The following GMDS variants were observed in gnomAD, a reference collection of about 807,000 sequenced individuals.
GMDS encodes GDP-mannose 4,6 dehydratase.
Under a neutral mutation model 49.9 loss-of-function variants are expected in GMDS, and 20 were observed. That is an observed-to-expected ratio of 0.40 (90% CI 0.28 to 0.58). The LOEUF (loss-of-function observed/expected upper bound fraction) is 0.58. Among genes scored for constraint, GMDS ranks in the 20% least tolerant of loss-of-function variants. The probability of loss-of-function intolerance (pLI) is 0.42; values close to 1 mark genes in which losing one functional copy is unlikely to be tolerated. For synonymous variants in GMDS, 177 were observed against 178.6 expected, an observed-to-expected ratio of 0.99 and a Z score of 0.07; for missense variants, 362 against 481.4, an observed-to-expected ratio of 0.75 and a Z score of 2.32.
intron 4 of GMDS, among the ~76,000 whole-genome samples, chr6:2,016,088 A>G (rs577244341): frequency 5.7e-4 from 8 of 14,030 alleles, no homozygotes; most frequent in African/African-American, 2.1e-3. Flanking sequence ...AAAATAAATT[A>G]AAAAAAAAAA....
chr6:2,075,632 A>T (rs1772291961), intron 4 of GMDS, among the ~76,000 whole-genome samples: 4 of 152,206 alleles, frequency 2.6e-5, no homozygotes, highest in Admixed American at 2.6e-4. Flanking sequence ...TATATGTGCC[A>T]CATTTTCTTA....
chr6:2,240,660 GCTTCAACAAATATA>G (rs1561683937), intron 1 of GMDS, among the ~76,000 whole-genome samples: 1 of 151,230 alleles, frequency 6.6e-6, no homozygotes, highest in Non-Finnish European at 1.5e-5. Context: ...GCTCTCTGTT[GCTTCAACAAATATA>G]CTTTGAACAA....
chr6:1,713,441 C>T (rs1312575545), intron 9 of GMDS, among the ~76,000 whole-genome samples: 1 of 152,260 alleles, frequency 6.6e-6, no homozygotes, highest in Non-Finnish European at 1.5e-5. Context: ...TGCTCTGCGT[C>T]TCCGCCCCGT....
intron 7 of GMDS, among the ~76,000 whole-genome samples, chr6:1,810,883 C>T (rs1770399402): frequency 6.6e-6 from 1 of 152,112 alleles, no homozygotes. Flanking sequence ...ATAATGGAAA[C>T]TAAAAACATA....
intron 7 of GMDS, among the ~76,000 whole-genome samples, chr6:1,792,880 G>A (rs1358731189): frequency 2.0e-5 from 3 of 152,036 alleles, no homozygotes; most frequent in African/African-American, 7.3e-5. Context: ...TATTTGGTGT[G>A]GGTCTTTGTT....
chr6:1,884,726 T>C (rs1198591546), intron 7 of GMDS, among the ~76,000 whole-genome samples: 2 of 152,200 alleles, frequency 1.3e-5, no homozygotes, highest in Non-Finnish European at 2.9e-5. Flanking sequence ...GCAAAACCCA[T>C]GGGCAGTATA....
At chr6:1,627,555 A>G (rs369747727) in intron 9 of GMDS, among the ~76,000 whole-genome samples, 22 of 152,210 alleles carry the variant, frequency 1.4e-4, no homozygotes, top group African/African-American at 3.9e-4. Context: ...GAACTTCCAC[A>G]AATCCCCTCC....
chr6:2,209,409 C>T (rs1257402960), intron 1 of GMDS, among the ~76,000 whole-genome samples: 1 of 152,240 alleles, frequency 6.6e-6, no homozygotes, highest in Non-Finnish European at 1.5e-5. Context: ...GGCTGACTAG[C>T]TCACCTTCCC....
intron 7 of GMDS, among the ~76,000 whole-genome samples, chr6:1,786,930 G>A (rs1043320028): frequency 4.6e-5 from 7 of 152,074 alleles, no homozygotes; most frequent in Non-Finnish European, 7.3e-5. Context: ...TTGTGACCAT[G>A]AGCCACCTCA....
intron 1 of GMDS, among the ~76,000 whole-genome samples, chr6:2,187,847 T>A (rs2127566382): frequency 6.6e-6 from 1 of 152,342 alleles, no homozygotes; most frequent in South Asian, 2.1e-4. Context: ...TCAATAAAAT[T>A]TCTAAAGAAC....
chr6:2,116,130 A>C (rs1025098731), intron 3 of GMDS, among the ~76,000 whole-genome samples: 2 of 152,190 alleles, frequency 1.3e-5, no homozygotes, highest in Admixed American at 1.3e-4. Context: ...TTTAAAGCAC[A>C]GTATCACGAA....
chr6:2,229,408 C>CAAAAAAAA (rs1210456971), intron 1 of GMDS, among the ~76,000 whole-genome samples: 1 of 89,244 alleles, frequency 1.1e-5, no homozygotes, highest in Non-Finnish European at 2.5e-5. Context: ...CCTGTTTCTA[C>CAAAAAAAA]AAAAAAAAAA....
intron 4 of GMDS, among the ~76,000 whole-genome samples, chr6:2,114,281 A>G (rs1362401231): frequency 6.6e-6 from 1 of 152,234 alleles, no homozygotes. Context: ...TGTTCATTCC[A>G]AAACATTCTG....
intron 4 of GMDS, among the ~76,000 whole-genome samples, chr6:1,975,185 A>G (rs1470873747): frequency 6.6e-6 from 1 of 152,230 alleles, no homozygotes; most frequent in Admixed American, 6.5e-5. Context: ...AGATAATCCC[A>G]TGGCAGAAAG....
At chr6:1,786,503 G>T (rs1769326798) in intron 7 of GMDS, among the ~76,000 whole-genome samples, 1 of 152,228 alleles carries the variant, frequency 6.6e-6, no homozygotes, top group South Asian at 2.1e-4. Context: ...TCATGGGCAG[G>T]AGGGGACCTC....
At chr6:1,947,225 C>T (rs1482497045) in intron 6 of GMDS, among the ~76,000 whole-genome samples, 1 of 152,192 alleles carries the variant, frequency 6.6e-6, no homozygotes, top group Non-Finnish European at 1.5e-5. Flanking sequence ...ACCACACAGT[C>T]GTCTGCCAGC....
At chr6:2,014,422 A>G (rs960283115) in intron 4 of GMDS, among the ~76,000 whole-genome samples, 1 of 152,120 alleles carries the variant, frequency 6.6e-6, no homozygotes, top group African/African-American at 2.4e-5. Flanking sequence ...CAGCAATGTT[A>G]TAAGAGGTGG....
In GMDS at chr6:1,944,991, A is replaced by T. The variant is rs574499303; in HGVS notation, c.644-14761T>A. 1.4e-4 allele frequency among the ~76,000 whole-genome samples: 22 copies of T among 152,332 alleles called. No individual in the cohort carries two copies. The South Asian group carries it at 4.3e-3, about 30-fold the overall frequency. Reference sequence around the variant, plus strand: ...TATTCACCCAAGGAAAATAAGTAACATTGCCTCCTCTGTAATAACTATTGC... The same window carrying T: ...TATTCACCCAAGGAAAATAAGTAACTTTGCCTCCTCTGTAATAACTATTGC... On this transcript the variant is annotated intron_variant, in intron 6 of 10. Transcript: ENST00000380815.
chr6:1,994,697 T>C (rs1396076564), intron 4 of GMDS, among the ~76,000 whole-genome samples: 1 of 152,040 alleles, frequency 6.6e-6, no homozygotes, highest in Non-Finnish European at 1.5e-5. Context: ...GTATATATGC[T>C]CTGGGAGCCT....
Sources: allele counts gnomAD v4.1 joint callset (sites outside exome capture counted in the v4.1 genomes callset), GRCh38; gene constraint gnomAD v4.1.1; transcripts MANE v1.5; gene names NCBI Gene and HGNC (gene_info 2026-07-23, HGNC 2026-07-21).